Variants in STK32B observed in about 807,000 individuals in gnomAD.
STK32B encodes the protein serine/threonine-protein kinase 32B.
Under a neutral mutation model 52.6 loss-of-function variants are expected in STK32B, and 43 were observed. The ratio of observed to expected loss-of-function variants is 0.82; its 90% confidence interval spans 0.64 to 1.05. The LOEUF (loss-of-function observed/expected upper bound fraction) is 1.05, where lower values mean the gene tolerates loss of function less well. Among genes scored for constraint, STK32B ranks in the 50% least tolerant of loss-of-function variants. STK32B has a pLI of 0.00. For synonymous variants in STK32B, 238 were observed against 204.3 expected (o/e 1.17, Z -1.41); for missense variants, 621 against 534.6 (o/e 1.16, Z -1.59).
intron 3 of STK32B, among the ~76,000 whole-genome samples, chr4:5,235,305 G>T (rs1009141548): frequency 3.3e-5 from 5 of 152,202 alleles, no homozygotes; most frequent in Admixed American, 3.3e-4. Flanking sequence ...TCAAGAGCAT[G>T]TTCTCAGGAA....
chr4:5,466,622 G>T (rs1311901402), intron 9 of STK32B, 81 bp from the exon 10 acceptor site: 2 of 1,500,380 alleles, frequency 1.3e-6, no homozygotes, highest in East Asian at 4.6e-5. Context: ...TTGAATGAAT[G>T]AATGGTTGAA....
At chr4:5,019,482 T>C in the STK32B span, 21 of 1,435,534 alleles carry the variant, frequency 1.5e-5, no homozygotes, top group African/African-American at 2.6e-4. Context: ...CGACCGCCCC[T>C]TTATGCAGGC....
chr4:5,156,190 AGTG>A (rs1032213854), intron 2 of STK32B, among the ~76,000 whole-genome samples: 5 of 151,816 alleles, frequency 3.3e-5, no homozygotes, highest in African/African-American at 1.2e-4. Context: ...ACACCACTGA[AGTG>A]GTCTATATGT....
Position 5,467,727 on chromosome 4 carries a change from A to G in STK32B, c.1042-279A>G, listed in dbSNP as rs1717556639. On this transcript the variant is annotated intron_variant, in intron 10 of 11. Transcript: ENST00000282908. The surrounding 1 kb of genome is among the most constrained non-coding windows in gnomAD (Gnocchi z 5.8). ...TCACGTGGGCCTTAAGTGGTCAGGA[A>G]AATAAGCTCATGAATTTCAGCCCAT... Among the ~76,000 whole-genome samples, 1 of 152,166 alleles carries G rather than the reference A, an allele frequency of 6.6e-6. No individual in the cohort carries two copies. Among genetic ancestry groups the G allele is most frequent in the Admixed American group, 6.5e-5 (1 of 15,278 alleles).
rs77430307 is a variant in STK32B at position 5,445,880 on chromosome 4, T to C, written c.563-793T>C. 4.7e-3 allele frequency among the ~76,000 whole-genome samples: 714 copies of C among 152,178 alleles called. 18 individuals carry two copies. In the East Asian group the frequency reaches 0.069, roughly 15 times the overall value. On this transcript the variant is annotated intron_variant, in intron 6 of 11. Transcript: ENST00000282908. Reference sequence around the variant, plus strand: ...CCAATCTGCTTTCTGTCTTGTGGATTTACTCATTGTGGGTATTTCATGTTA... The same window carrying C: ...CCAATCTGCTTTCTGTCTTGTGGATCTACTCATTGTGGGTATTTCATGTTA...
At chr4:5,112,949 G>A (rs1453808460) in intron 1 of STK32B, among the ~76,000 whole-genome samples, 3 of 152,138 alleles carry the variant, frequency 2.0e-5, no homozygotes, top group Admixed American at 6.5e-5. Flanking sequence ...ATAAGAGAAT[G>A]AGCCAAACAG....
intron 3 of STK32B, among the ~76,000 whole-genome samples, chr4:5,282,844 A>C (rs1001386242): frequency 2.6e-5 from 4 of 152,156 alleles, no homozygotes; most frequent in African/African-American, 9.7e-5. Flanking sequence ...AACAGCACTC[A>C]ATTTAGAACT....
In STK32B at chr4:5,059,052, C is replaced by CTTTTTTTTTTTTTTTTTTTTTTT. The variant is rs3072775; in HGVS notation, c.52+7144_52+7166dup. Among the ~76,000 whole-genome samples the CTTTTTTTTTTTTTTTTTTTTTTT allele has an allele frequency of 8.1e-5, 7 of 86,918 alleles. 2 individuals are homozygous for CTTTTTTTTTTTTTTTTTTTTTTT. Among genetic ancestry groups the CTTTTTTTTTTTTTTTTTTTTTTT allele is most frequent in the Non-Finnish European group, 1.5e-4 (7 of 47,892 alleles). 57.0% of individuals were successfully genotyped at this position (86,918 alleles called of 152,430 possible). ...AGGCGTGAGCCACCACGCCCAGCTG[C>CTTTTTTTTTTTTTTTTTTTTTTT]TTTTTTTTTTTTTTTTTTTTTTTTT... is the stretch of plus-strand genomic sequence containing the variant. On this transcript the variant is annotated intron_variant, in intron 1 of 11. Coordinates refer to ENST00000282908, the MANE Select transcript of STK32B (RefSeq NM_018401.3).
At chr4:5,225,263 A>T (rs913400983) in intron 3 of STK32B, among the ~76,000 whole-genome samples, 6 of 152,000 alleles carry the variant, frequency 3.9e-5, no homozygotes, top group African/African-American at 7.3e-5. Context: ...TACTAAAATT[A>T]AAAAAATTAG....
intron 6 of STK32B, among the ~76,000 whole-genome samples, chr4:5,446,229 C>G (rs1012238108): frequency 6.6e-6 from 1 of 152,226 alleles, no homozygotes; most frequent in Non-Finnish European, 1.5e-5. Context: ...GGGTACAAAC[C>G]ACATGGCATA....
At chr4:5,430,938 T>C (rs548728296) in intron 6 of STK32B, among the ~76,000 whole-genome samples, 1 of 152,342 alleles carries the variant, frequency 6.6e-6, no homozygotes, top group African/African-American at 2.4e-5. Context: ...CTTCTGTTTC[T>C]AGTTCCTTGA....
intron 3 of STK32B, among the ~76,000 whole-genome samples, chr4:5,208,789 T>G (rs777962737): frequency 2.0e-5 from 3 of 152,224 alleles, no homozygotes; most frequent in Non-Finnish European, 4.4e-5. Context: ...GAGAGATTAA[T>G]TTGGGTAAAT....
intron 3 of STK32B, among the ~76,000 whole-genome samples, chr4:5,224,212 G>A (rs1723721392): frequency 6.6e-6 from 1 of 152,180 alleles, no homozygotes; most frequent in African/African-American, 2.4e-5. Flanking sequence ...GAGTCCCAGG[G>A]GAGGAATACT....
At chr4:5,487,617 A>G (rs972295130) in intron 11 of STK32B, among the ~76,000 whole-genome samples, 4 of 152,188 alleles carry the variant, frequency 2.6e-5, no homozygotes, top group Non-Finnish European at 4.4e-5. Context: ...CACCAATACA[A>G]CTTGACCAAA....
intron 6 of STK32B, among the ~76,000 whole-genome samples, chr4:5,417,190 G>C (rs1278067730): frequency 1.3e-5 from 2 of 152,228 alleles, no homozygotes; most frequent in East Asian, 1.9e-4. Flanking sequence ...GCTCAGGCTT[G>C]AGAGGGTGGC....
At chr4:5,274,696 C>CT (rs200239678) in intron 3 of STK32B, among the ~76,000 whole-genome samples, 1 of 151,966 alleles carries the variant, frequency 6.6e-6, no homozygotes, top group Admixed American at 6.6e-5. Flanking sequence ...GGTCCCCTCC[C>CT]TTTTTTTGGG....
At chr4:5,257,972 C>A (rs920039176) in intron 3 of STK32B, among the ~76,000 whole-genome samples, 13 of 151,978 alleles carry the variant, frequency 8.6e-5, no homozygotes, top group Non-Finnish European at 1.9e-4. Flanking sequence ...AGAAAAAAAA[C>A]AATACAGCAG....
chr4:5,375,972 C>T (rs1174711538), intron 4 of STK32B, among the ~76,000 whole-genome samples: 1 of 152,176 alleles, frequency 6.6e-6, no homozygotes, highest in Admixed American at 6.5e-5. Flanking sequence ...CCCACCTCCA[C>T]CCTCATCTCT....
In STK32B at chr4:5,378,112, A is replaced by G. The variant is rs1735696737; in HGVS notation, c.435-20095A>G. ...TTGAGACATTCTTCCTGACATAATT[A>G]GGAAAATTAAAAAGAACTGAAAAAG... On this transcript the variant is annotated intron_variant, in intron 4 of 11. Transcript: ENST00000282908. The surrounding 1 kb of genome is among the most constrained non-coding windows in gnomAD (Gnocchi z 4.4). Among the ~76,000 whole-genome samples, 1 of 152,222 alleles carries G rather than the reference A, an allele frequency of 6.6e-6. No individual in the cohort carries two copies. Among genetic ancestry groups the G allele is most frequent in the Non-Finnish European group, 1.5e-5 (1 of 68,046 alleles).
Sources: gnomAD v4.1 joint callset for allele counts (sites outside exome capture counted in the v4.1 genomes callset) on GRCh38, gnomAD v4.1.1 for gene constraint, Gnocchi (gnomAD v3.1) non-coding constraint, MANE v1.5 for transcripts, NCBI Gene and HGNC (gene_info 2026-07-23, HGNC 2026-07-21) for gene names.